The following SFI1 variants were observed in gnomAD, a reference collection of about 807,000 sequenced individuals.
SFI1 encodes the protein SFI1 centrin binding protein, also known as protein SFI1 homolog.
A neutral mutation model predicts 207.5 loss-of-function variants in SFI1; 195 were observed. The observed-to-expected ratio is 0.94, with a 90% confidence interval of 0.84 to 1.06. SFI1 has a LOEUF of 1.06. Among genes scored for constraint, SFI1 ranks in the 50% least tolerant of loss-of-function variants. SFI1 has a pLI of 0.00. For synonymous variants in SFI1, 630 were observed against 598.9 expected (o/e 1.05, Z -0.76); for missense variants, 1,634 against 1,588.0 (o/e 1.03, Z -0.49).
intron 8 of SFI1, among the ~76,000 whole-genome samples, chr22:31,570,267 T>C (rs1281950277): frequency 2.0e-5 from 3 of 152,162 alleles, no homozygotes; most frequent in African/African-American, 7.2e-5. Context: ...TCAATGTCTT[T>C]AAAAGATGTA....
intron 2 of SFI1, among the ~76,000 whole-genome samples, chr22:31,517,133 C>T (rs75013874): frequency 7.1e-6 from 1 of 141,034 alleles, no homozygotes; most frequent in East Asian, 2.0e-4. Context: ...GACTCTGTCT[C>T]AAAAAAAAAA....
chr22:31,562,134 GCTTT>G (rs1204167558), intron 8 of SFI1, among the ~76,000 whole-genome samples: 1 of 152,146 alleles, frequency 6.6e-6, no homozygotes, highest in African/African-American at 2.4e-5. Context: ...AATTTGGCCT[GCTTT>G]CTGTTTTTGT....
intron 2 of SFI1, among the ~76,000 whole-genome samples, chr22:31,508,766 G>A (rs755283763): frequency 2.6e-5 from 4 of 152,016 alleles, no homozygotes; most frequent in Non-Finnish European, 5.9e-5. Context: ...ACCTTATAAC[G>A]TGGCAGCCTC....
intron 27 of SFI1, 171 bp downstream of exon 27, chr22:31,614,026 C>G (rs2070889477): frequency 9.4e-6 from 8 of 853,032 alleles, no homozygotes; most frequent in Non-Finnish European, 1.4e-5. Flanking sequence ...CCTCCCACGG[C>G]AAGAGGGAGA....
At chr22:31,589,714 C>A in intron 15 of SFI1, 137 bp downstream of exon 15, 1 of 815,612 alleles carries the variant, frequency 1.2e-6, no homozygotes, top group Non-Finnish European at 1.8e-6. Flanking sequence ...GTAATGTGGG[C>A]TCATTGATTT....
chr22:31,596,644 G>A (rs905489697), intron 15 of SFI1, among the ~76,000 whole-genome samples: 7 of 151,690 alleles, frequency 4.6e-5, no homozygotes, highest in Non-Finnish European at 5.9e-5. Flanking sequence ...TACAAAAATT[G>A]GCCAGGCATG....
chr22:31,597,838 A>G (rs1053602980), intron 15 of SFI1, among the ~76,000 whole-genome samples: 1 of 152,232 alleles, frequency 6.6e-6, no homozygotes, highest in African/African-American at 2.4e-5. Context: ...CTCATGAATT[A>G]TGGCTAAAAA....
At chr22:31,614,219 CTT>C in intron 27 of SFI1, 1 of 354,090 alleles carries the variant, frequency 2.8e-6, no homozygotes, top group South Asian at 3.5e-5. Context: ...GCCGGCCTCT[CTT>C]CTGCTCCATC....
intron 23 of SFI1, 49 bp downstream of exon 23, chr22:31,611,352 G>C (rs746182089): frequency 6.5e-7 from 1 of 1,544,760 alleles, no homozygotes; most frequent in South Asian, 1.2e-5. Context: ...CTGGCAAGGG[G>C]TGTCCAGGCC....
intron 4 of SFI1, among the ~76,000 whole-genome samples, chr22:31,546,247 T>G (rs73160645): frequency 0.1 from 15,331 of 152,014 alleles, 920 homozygotes; most frequent in Admixed American, 0.16. Context: ...CATGCAGTCC[T>G]CCTACCTTGA....
chr22:31,562,983 T>TTATATA (rs56072629), intron 8 of SFI1, among the ~76,000 whole-genome samples: 5 of 142,304 alleles, frequency 3.5e-5, no homozygotes, highest in East Asian at 2.0e-4. Context: ...TCATCATCTT[T>TTATATA]TATATATATA....
rs887187279 is a variant in SFI1, at chr22:31,618,538, A to G, written c.*120A>G. The G allele has an allele frequency of 9.5e-6, 10 of 1,052,562 alleles. No homozygotes were observed. The African/African-American group carries it at 1.1e-4, about 12-fold the overall frequency. 65.2% of individuals were successfully genotyped at this position (1,052,562 alleles called of 1,614,324 possible). ...TTCAAAATGCTTTGCAATTAAATGA[A>G]TTACTGTTCAGAAGTCTCCCACTTT... On this transcript the variant is annotated 3_prime_UTR_variant, in exon 33 of 33. Transcript: ENST00000400288.
chr22:31,535,153 C>T (rs2058858418), intron 4 of SFI1, among the ~76,000 whole-genome samples: 1 of 151,262 alleles, frequency 6.6e-6, no homozygotes, highest in Non-Finnish European at 1.5e-5. Flanking sequence ...AGGCATGAGC[C>T]ACGGTGCCCG....
intron 22 of SFI1, 73 bp downstream of exon 22, chr22:31,608,106 C>G: frequency 8.1e-7 from 1 of 1,229,312 alleles, no homozygotes; most frequent in African/African-American, 1.5e-5. Context: ...CCCTGTGGCC[C>G]GCATAAGTCT....
chr22:31,529,727 G>A lies in SFI1; in HGVS notation c.266+864G>A, dbSNP rs549262141. 1.2e-4 allele frequency among the ~76,000 whole-genome samples: 18 copies of A among 152,270 alleles called. No individual in the cohort carries two copies. In the South Asian group the frequency reaches 3.3e-3, roughly 28 times the overall value. The stretch of plus-strand genomic sequence containing the variant: ...AGGATGTGGTACCACAGGCAAATAC[G>A]GCGAGAACAGCCACACTAGTATAGC... On this transcript the variant is annotated intron_variant, in intron 3 of 32. Transcript: ENST00000400288.
At chr22:31,563,678 C>T (rs1416929263) in intron 8 of SFI1, among the ~76,000 whole-genome samples, 2 of 151,842 alleles carry the variant, frequency 1.3e-5, no homozygotes, top group Non-Finnish European at 2.9e-5. Flanking sequence ...CCCTGCCTCC[C>T]GGGTTCAAGC....
intron 2 of SFI1, 25 bp from the exon 3 acceptor site, chr22:31,528,665 T>C: frequency 6.2e-7 from 1 of 1,606,658 alleles, no homozygotes; most frequent in Non-Finnish European, 8.5e-7. Context: ...ATTCTCTCCT[T>C]GCCTCTTTCG....
At position 31,604,857 on chromosome 22, in the gene SFI1, T is replaced by C; in HGVS notation, c.1978-12T>C. ...GCCCAAGAGCAGCCTCAGTCTTCCT[T>C]GTCCCCTACAGACTTACCAGGGCAG... On this transcript the variant is annotated splice_polypyrimidine_tract_variant and intron_variant, in intron 19 of 32. Coordinates refer to ENST00000400288, the MANE Select transcript of SFI1 (RefSeq NM_001007467.3). 2 of 1,610,338 alleles carry C rather than the reference T, an allele frequency of 1.2e-6. No homozygotes were observed. The highest frequency in any genetic ancestry group is 1.7e-6 in the Non-Finnish European group (2 of 1,178,112).
rs2064390844 is a variant in SFI1, at chr22:31,582,236, A to ATTTATTTT, written c.1249-1636_1249-1635insATTTTTTT. On this transcript the variant is annotated intron_variant, in intron 12 of 32. Coordinates refer to ENST00000400288, the MANE Select transcript of SFI1 (RefSeq NM_001007467.3). ...TATATATATATATATATATATATATATTTTTTTTTTTTTTTTTTTTTTTTT... is the reference window on the plus strand; with the variant it reads ...TATATATATATATATATATATATATATTTATTTTTTTTTTTTTTTTTTTTTTTTTTTTT... 2.0e-4 allele frequency among the ~76,000 whole-genome samples: 2 copies of ATTTATTTT among 10,140 alleles called. 1 individual carries two copies. Among genetic ancestry groups the ATTTATTTT allele is most frequent in the Non-Finnish European group, 3.5e-4 (2 of 5,774 alleles). The allele number at this position is 10,140 out of a possible 152,430, so 6.7% of individuals were successfully genotyped here. A position where few individuals can be genotyped will look rare whatever the true frequency, so the allele number is the denominator to read the frequency against.
Sources: gnomAD v4.1 joint callset for allele counts (sites outside exome capture counted in the v4.1 genomes callset) on GRCh38, gnomAD v4.1.1 for gene constraint, MANE v1.5 for transcripts, NCBI Gene and HGNC (gene_info 2026-07-23, HGNC 2026-07-21) for gene names.